The following MS4A2 variants were observed in gnomAD, a reference collection of about 807,000 sequenced individuals.
The protein encoded by MS4A2 is membrane spanning 4-domains A2.
MS4A2 carries 26 observed loss-of-function variants against 27.9 expected under a neutral mutation model. That is an observed-to-expected ratio of 0.93 (90% CI 0.68 to 1.29). The LOEUF (loss-of-function observed/expected upper bound fraction) is 1.29. MS4A2 is among the 50% of genes most tolerant of loss of function. The pLI is 0.00. For synonymous variants in MS4A2, 110 were observed against 98.8 expected (o/e 1.11, Z -0.67); for missense variants, 284 against 284.6 (o/e 1.00, Z 0.01).
chr11:60,089,938 A>G lies in MS4A2; in HGVS notation c.186+117A>G, dbSNP rs547074576. 7 of 1,334,868 alleles carry G rather than the reference A, an allele frequency of 5.2e-6. No individual in the cohort carries two copies. In the African/African-American group the frequency reaches 7.3e-5, roughly 14 times the overall value. 82.7% of individuals were successfully genotyped at this position (1,334,868 alleles called of 1,614,324 possible). ...TGAGAGGTGTTAGGTCCTTTAAAAA[A>G]CATGGTAGATAAAGAGTTGACACTA... On this transcript the variant is annotated intron_variant, in intron 2 of 6. Coordinates refer to ENST00000278888, the MANE Select transcript of MS4A2 (RefSeq NM_000139.5).
In MS4A2 at chr11:60,097,229, G is replaced by C. The variant is rs1426864333; in HGVS notation, c.*1573G>C. 6.6e-6 allele frequency: 1 copy of C among 152,178 alleles called. No homozygotes were observed. The highest frequency in any genetic ancestry group is 1.5e-5 in the Non-Finnish European group (1 of 68,026). The allele number at this position is 152,178 out of a possible 1,614,324, so 9.4% of individuals were successfully genotyped here. On this transcript the variant is annotated 3_prime_UTR_variant, in exon 7 of 7. Transcript: ENST00000278888. Reference sequence around the variant, plus strand: ...TCTAGCCTAGAAGATACAATAATTAGTCATAAACATGCATTGTGAAACTGT... The same window carrying C: ...TCTAGCCTAGAAGATACAATAATTACTCATAAACATGCATTGTGAAACTGT...
At chr11:60,093,802 TTGTGTGTGTGTGTG>T (rs60162275) in intron 5 of MS4A2, 148 bp from the exon 6 acceptor site, 26 of 640,488 alleles carry the variant, frequency 4.1e-5, no homozygotes, top group East Asian at 1.7e-4. Flanking sequence ...GTGCCTGTGT[TTGTGTGTGTGTGTG>T]TGTGTGTGTG....
rs1342263255 is a variant in MS4A2 at position 60,095,563 on chromosome 11, A to C, written c.642A>C (p.Pro214=). The C allele has an allele frequency of 6.2e-7, 1 of 1,606,412 alleles. No individual in the cohort carries two copies. Among genetic ancestry groups the C allele is most frequent in the South Asian group, 1.1e-5 (1 of 90,878 alleles). ...AATGATTTTTCCCTTATCAGGTTCC[A>C]GAGGATCGTGTTTATGAAGAATTAA... is the stretch of plus-strand genomic sequence containing the variant. ...AGEELKGNKV[P]EDRVYEELNI... is the part of the protein sequence containing the mutation. The change falls in exon 7 of 7, where the codon CCA becomes CCC. Residue 214 remains proline (P), a synonymous_variant. Coordinates refer to ENST00000278888, the MANE Select transcript of MS4A2 (RefSeq NM_000139.5).
At position 60,096,083 on chromosome 11, in the gene MS4A2, C is replaced by T; in HGVS notation, c.*427C>T. 1 of 224,354 alleles carries T rather than the reference C, an allele frequency of 4.5e-6. No individual in the cohort carries two copies. Among genetic ancestry groups the T allele is most frequent in the South Asian group, 6.6e-5 (1 of 15,074 alleles). The allele number at this position is 224,354 out of a possible 1,614,324, so 13.9% of individuals were successfully genotyped here. A position where few individuals can be genotyped will look rare whatever the true frequency, so the allele number is the denominator to read the frequency against. ...AGTTGGGCATGATTTGTACCATCCA[C>T]CCATACCCACACAGTCACAGTCACA... On this transcript the variant is annotated 3_prime_UTR_variant, in exon 7 of 7. Coordinates refer to ENST00000278888, the MANE Select transcript of MS4A2 (RefSeq NM_000139.5).
At chr11:60,093,678 G>T in intron 5 of MS4A2, 120 bp downstream of exon 5, 2 of 1,373,676 alleles carry the variant, frequency 1.5e-6, no homozygotes, top group Admixed American at 1.8e-5. Flanking sequence ...ACAGTATAGT[G>T]GTTCTGTAAG....
chr11:60,098,143 A>G lies in MS4A2; in HGVS notation c.*2487A>G, dbSNP rs905521269. 3.3e-5 allele frequency: 5 copies of G among 152,138 alleles called. No homozygotes were observed. Among genetic ancestry groups the G allele is most frequent in the African/African-American group, 1.2e-4 (5 of 41,422 alleles). 9.4% of individuals were successfully genotyped at this position (152,138 alleles called of 1,614,324 possible). A position where few individuals can be genotyped will look rare whatever the true frequency, so the allele number is the denominator to read the frequency against. On this transcript the variant is annotated 3_prime_UTR_variant, in exon 7 of 7. Transcript: ENST00000278888. ...CTTATACACAACACACAATTTATGA[A>G]TTTTTTCTCAAGATCATTCTGAGAG...
At position 60,093,949 on chromosome 11, in the gene MS4A2, G is replaced by T; in HGVS notation, c.538-15G>T. On this transcript the variant is annotated splice_polypyrimidine_tract_variant and intron_variant, in intron 5 of 6. Transcript: ENST00000278888. ...ATGTGACTCTTTTTGTTTGTCATTT[G>T]TTGCTGTTCAATAGGAAATTGTAGT... The T allele has an allele frequency of 6.3e-7, 1 of 1,594,972 alleles. No homozygotes were observed. Among genetic ancestry groups the T allele is most frequent in the South Asian group, 1.1e-5 (1 of 90,692 alleles).
At chr11:60,092,507 G>C (rs1328439362) in intron 3 of MS4A2, among the ~76,000 whole-genome samples, 4 of 152,010 alleles carry the variant, frequency 2.6e-5, no homozygotes. Context: ...TTTTGGTCAG[G>C]CTGGTCTTGA....
At chr11:60,095,424 G>C (rs1490185270) in intron 6 of MS4A2, 134 bp from the exon 7 acceptor site, 6 of 690,508 alleles carry the variant, frequency 8.7e-6, no homozygotes, top group Non-Finnish European at 1.6e-5. Flanking sequence ...GGAAATGAAA[G>C]AAATAATCAG....
In MS4A2 at chr11:60,097,604, TTA is replaced by T. The variant is rs1281005781; in HGVS notation, c.*1950_*1951del. 48 of 152,276 alleles carry T rather than the reference TTA, an allele frequency of 3.2e-4. No individual in the cohort carries two copies. The highest frequency in any genetic ancestry group is 1.1e-3 in the African/African-American group (46 of 41,546). 9.4% of individuals were successfully genotyped at this position (152,276 alleles called of 1,614,324 possible). Reference sequence around the variant, plus strand: ...GTTTATAAAAGAAGGAAAAGATAGTTTATGTTTTTAGCCTAAGTATAAGAGTC... The same window carrying T: ...GTTTATAAAAGAAGGAAAAGATAGTTTGTTTTTAGCCTAAGTATAAGAGTC... On this transcript the variant is annotated 3_prime_UTR_variant, in exon 7 of 7. Coordinates refer to ENST00000278888, the MANE Select transcript of MS4A2 (RefSeq NM_000139.5).
chr11:60,093,489 G>C lies in MS4A2; in HGVS notation c.468G>C (p.Leu156Phe), dbSNP rs755318005. The C allele has an allele frequency of 4.3e-6, 7 of 1,614,136 alleles. No homozygotes were observed. The Admixed American group carries it at 1.2e-4, about 27-fold the overall frequency. The change falls in exon 5 of 7, where the codon TTG becomes TTC. Residue 156 changes from leucine (L) to phenylalanine (F), a missense_variant. Transcript: ENST00000278888. The part of the protein sequence containing the change: ...TILIINLKKS[L>F]AYIHIHSCQK... The stretch of plus-strand genomic sequence containing the variant: ...TGATCATCAACCTGAAGAAGAGCTT[G>C]GCCTATATCCACATCCACAGTTGCC...
intron 4 of MS4A2, 97 bp from the exon 5 acceptor site, chr11:60,093,303 G>T: frequency 6.6e-6 from 10 of 1,508,770 alleles, no homozygotes; most frequent in Non-Finnish European, 9.1e-6. Context: ...AAGCAATGTG[G>T]AATTTACTGG....
At chr11:60,090,296 A>T (rs1447954002) in intron 2 of MS4A2, 40 bp from the exon 3 acceptor site, 13 of 1,604,746 alleles carry the variant, frequency 8.1e-6, no homozygotes, top group South Asian at 7.7e-5. Flanking sequence ...TCTCGGGAAA[A>T]TTTTTTTGAT....
At chr11:60,091,666 ATTC>A (rs1855760779) in intron 3 of MS4A2, among the ~76,000 whole-genome samples, 2 of 152,100 alleles carry the variant, frequency 1.3e-5, no homozygotes, top group Admixed American at 1.3e-4. Context: ...TTATTTTGAG[ATTC>A]TTCAAGTTTT....
rs540330432 is a variant in MS4A2 at position 60,089,727 on chromosome 11, A to C, written c.92A>C (p.Gln31Pro). The C allele has an allele frequency of 2.7e-5, 44 of 1,614,216 alleles. No homozygotes were observed. The South Asian group carries it at 4.3e-4, about 16-fold the overall frequency. ...PAFEVLEISP[Q>P]EVSSGRLLKS... ...TTTGAAGTCTTGGAAATATCTCCCCAGGAAGTATCTTCAGGCAGACTATTG... is the reference window on the plus strand; with the variant it reads ...TTTGAAGTCTTGGAAATATCTCCCCCGGAAGTATCTTCAGGCAGACTATTG... Residue 31 changes from glutamine to proline, a missense_variant, in exon 2 of 7, where the codon CAG (glutamine) becomes CCG (proline). Transcript: ENST00000278888.
chr11:60,091,005 G>T (rs1261469450), intron 3 of MS4A2, among the ~76,000 whole-genome samples: 2 of 152,120 alleles, frequency 1.3e-5, no homozygotes, highest in African/African-American at 4.8e-5. Context: ...TAAAAAATTA[G>T]CTGAGTGTGA....
In MS4A2 at chr11:60,096,083, C is replaced by A. The variant is rs373537312; in HGVS notation, c.*427C>A. On this transcript the variant is annotated 3_prime_UTR_variant, in exon 7 of 7. Transcript: ENST00000278888. ...AGTTGGGCATGATTTGTACCATCCA[C>A]CCATACCCACACAGTCACAGTCACA... 1.1e-4 allele frequency: 25 copies of A among 224,352 alleles called. No homozygotes were observed. The East Asian group carries it at 2.4e-3, about 21-fold the overall frequency. 13.9% of individuals were successfully genotyped at this position (224,352 alleles called of 1,614,324 possible).
upstream of MS4A2, chr11:60,088,574 A>T (rs931297934): frequency 7.1e-7 from 1 of 1,409,746 alleles, no homozygotes; most frequent in African/African-American, 1.5e-5. Context: ...TATTCATCAC[A>T]AGTAAAAGCC....
intron 3 of MS4A2, among the ~76,000 whole-genome samples, chr11:60,091,481 C>A (rs1300499645): frequency 1.3e-5 from 2 of 152,198 alleles, no homozygotes; most frequent in Non-Finnish European, 2.9e-5. Flanking sequence ...ATGTATCCAT[C>A]ATTTCCAAAA....
Sources: gnomAD v4.1 joint callset for allele counts (sites outside exome capture counted in the v4.1 genomes callset) on GRCh38, gnomAD v4.1.1 for gene constraint, MANE v1.5 for transcripts, NCBI Gene and HGNC (gene_info 2026-07-23, HGNC 2026-07-21) for gene names.